The following PPP2R2B variants were observed in gnomAD, a reference collection of about 807,000 sequenced individuals.
The protein encoded by PPP2R2B is serine/threonine-protein phosphatase 2A 55 kDa regulatory subunit B beta isoform.
In PPP2R2B, 5 loss-of-function variants were observed where a neutral mutation model predicts 46.0. The ratio of observed to expected loss-of-function variants is 0.11; its 90% CI spans 0.06 to 0.23. The LOEUF is 0.23. Ranked by LOEUF, PPP2R2B falls within the 10% of genes least tolerant of loss-of-function variation. The pLI is 1.00. For synonymous variants in PPP2R2B, 215 were observed against 206.7 expected (o/e 1.04, Z -0.34); for missense variants, 367 against 575.0 (o/e 0.64, Z 3.70).
At chr5:146,862,762 AAT>A (rs1491530711) in intron 2 of PPP2R2B, among the ~76,000 whole-genome samples, 2 of 110,404 alleles carry the variant, frequency 1.8e-5, no homozygotes, top group African/African-American at 9.6e-5. Context: ...AAGAAAAGTA[AAT>A]TTTTTTTTTT....
At chr5:146,938,828 T>G (rs950156614) in intron 1 of PPP2R2B, among the ~76,000 whole-genome samples, 1 of 130,344 alleles carries the variant, frequency 7.7e-6, no homozygotes, top group Admixed American at 9.6e-5. Context: ...ATGGAGTGCA[T>G]GGAGTGCAGT....
At chr5:146,708,109 A>G (rs887848369) in intron 2 of PPP2R2B, among the ~76,000 whole-genome samples, 2 of 152,138 alleles carry the variant, frequency 1.3e-5, no homozygotes, top group African/African-American at 4.8e-5. Flanking sequence ...TAATCTCAGC[A>G]CTTTGGGAGG....
chr5:146,988,590 C>T (rs1398906833), intron 1 of PPP2R2B, among the ~76,000 whole-genome samples: 1 of 151,768 alleles, frequency 6.6e-6, no homozygotes, highest in African/African-American at 2.4e-5. Context: ...ACAAAATATA[C>T]CAAAACCTAT....
intron 7 of PPP2R2B, among the ~76,000 whole-genome samples, chr5:146,626,120 GTGT>G (rs1774043483): frequency 6.6e-6 from 1 of 151,336 alleles, no homozygotes; most frequent in African/African-American, 2.4e-5. Context: ...TGGTAAGTTA[GTGT>G]TGTTTTAAGC....
chr5:147,041,031 C>A (rs930250429), intron 1 of PPP2R2B, among the ~76,000 whole-genome samples: 1 of 152,104 alleles, frequency 6.6e-6, no homozygotes, highest in Non-Finnish European at 1.5e-5. Context: ...CCAGGAATGT[C>A]AGAAACAGTC....
chr5:146,633,727 C>T (rs1052560032), intron 7 of PPP2R2B, among the ~76,000 whole-genome samples: 1 of 152,210 alleles, frequency 6.6e-6, no homozygotes, highest in African/African-American at 2.4e-5. Context: ...CTTTGCTTCT[C>T]TGGGGCTGTG....
intron 2 of PPP2R2B, among the ~76,000 whole-genome samples, chr5:146,829,416 T>C (rs1253781022): frequency 6.6e-6 from 1 of 152,210 alleles, no homozygotes; most frequent in Non-Finnish European, 1.5e-5. Context: ...TGAAAAATGA[T>C]ATTAAAAAAT....
chr5:147,024,769 A>C (rs1395385669), intron 1 of PPP2R2B, among the ~76,000 whole-genome samples: 1 of 152,204 alleles, frequency 6.6e-6, no homozygotes, highest in Non-Finnish European at 1.5e-5. Flanking sequence ...TCAACTAAGC[A>C]ATGATGACAA....
chr5:146,594,781 C>T (rs1771000723), intron 8 of PPP2R2B, among the ~76,000 whole-genome samples: 1 of 152,152 alleles, frequency 6.6e-6, no homozygotes, highest in African/African-American at 2.4e-5. Context: ...CAGTCCTTGA[C>T]AGGAGCTGTG....
At chr5:146,908,482 A>G (rs1178141030) in intron 1 of PPP2R2B, among the ~76,000 whole-genome samples, 3 of 151,690 alleles carry the variant, frequency 2.0e-5, no homozygotes, top group Non-Finnish European at 4.4e-5. Flanking sequence ...ATACATATGT[A>G]TACAGCTGTT....
At chr5:146,669,691 C>T (rs1298981549) in intron 5 of PPP2R2B, among the ~76,000 whole-genome samples, 6 of 152,084 alleles carry the variant, frequency 3.9e-5, no homozygotes, top group African/African-American at 4.8e-5. Context: ...GCTTTACATA[C>T]GTTACCTCCT....
At chr5:146,707,371 T>A (rs1181873950) in intron 2 of PPP2R2B, 39 of 809,902 alleles carry the variant, frequency 4.8e-5, no homozygotes, top group Non-Finnish European at 4.4e-6. Flanking sequence ...GATGTTGGGG[T>A]TCACCTTCAG....
chr5:146,998,506 C>CT (rs1479531750), intron 1 of PPP2R2B, among the ~76,000 whole-genome samples: 1 of 152,122 alleles, frequency 6.6e-6, no homozygotes, highest in Non-Finnish European at 1.5e-5. Context: ...AGAGCTTTTC[C>CT]TGAAAAGAGA....
At chr5:146,692,814 G>A (rs1029913535) in intron 4 of PPP2R2B, among the ~76,000 whole-genome samples, 17 of 151,946 alleles carry the variant, frequency 1.1e-4, no homozygotes, top group African/African-American at 3.6e-4. Flanking sequence ...GATTACAGGC[G>A]GGAGCCACCA....
intron 2 of PPP2R2B, among the ~76,000 whole-genome samples, chr5:146,777,598 T>A (rs1755262812): frequency 6.6e-6 from 1 of 152,082 alleles, no homozygotes; most frequent in Non-Finnish European, 1.5e-5. Flanking sequence ...CACTTAAAAG[T>A]GGTTAAAATG....
At chr5:146,673,970 G>C (rs1446841674) in intron 5 of PPP2R2B, among the ~76,000 whole-genome samples, 3 of 152,176 alleles carry the variant, frequency 2.0e-5, no homozygotes, top group African/African-American at 7.2e-5. Flanking sequence ...GTTGAGGTCA[G>C]TATGTCTTAG....
rs534968249 is a variant in PPP2R2B at position 147,071,329 on chromosome 5, G to A, written c.50+9730C>T. 3.9e-5 allele frequency among the ~76,000 whole-genome samples: 6 copies of A among 152,260 alleles called. No individual in the cohort carries two copies. In the East Asian group the frequency reaches 5.8e-4, roughly 15 times the overall value. On this transcript the variant is annotated intron_variant, in intron 2 of 10. Coordinates refer to the PPP2R2B transcript ENST00000394413. ...GGATTATTGCAATAACCTTTCAACC[G>A]ATTCCTGCTTCTGACAGTGGTCCCT...
intron 2 of PPP2R2B, among the ~76,000 whole-genome samples, chr5:146,738,253 G>A (rs1047328255): frequency 5.3e-5 from 8 of 151,422 alleles, no homozygotes; most frequent in Non-Finnish European, 7.4e-5. Flanking sequence ...AAAATTAGCC[G>A]GGCGTGATGG....
chr5:146,960,169 G>C (rs968033641), intron 1 of PPP2R2B, among the ~76,000 whole-genome samples: 1 of 152,086 alleles, frequency 6.6e-6, no homozygotes, highest in Admixed American at 6.6e-5. Flanking sequence ...CTCCCTCCTA[G>C]GTTCTTACTC....
Sources: allele counts gnomAD v4.1 joint callset (sites outside exome capture counted in the v4.1 genomes callset), GRCh38; gene constraint gnomAD v4.1.1; transcripts MANE v1.5; gene names NCBI Gene and HGNC (gene_info 2026-07-23, HGNC 2026-07-21).